The following XIST variants were observed in gnomAD, a reference collection of about 807,000 sequenced individuals.
XIST encodes X inactive specific transcript, also known as X inactive specific transcript (non-protein coding).
chrX:73,824,765 T>C, exon 6 of XIST: 1 of 559,042 alleles, frequency 1.8e-6, no homozygotes, highest in Non-Finnish European at 3.2e-6. Context: ...TTCCTCATAC[T>C]AGCTCTTTCC....
chrX:73,847,330 C>A (rs747775255), exon 1 of XIST: 4 of 530,330 alleles, frequency 7.5e-6, no homozygotes, highest in Non-Finnish European at 1.4e-5. Context: ...AGAGAAGAAG[C>A]ACTAGCTAGT....
At chrX:73,827,950 CAA>C in exon 6 of XIST, 1 of 518,091 alleles carries the variant, frequency 1.9e-6, no homozygotes, top group South Asian at 2.5e-5. Flanking sequence ...GAACAAAGAG[CAA>C]AGACAAGAAA....
exon 5 of XIST, chrX:73,829,188 C>CT: frequency 1.8e-6 from 1 of 557,962 alleles, no homozygotes; most frequent in Non-Finnish European, 3.2e-6. Flanking sequence ...CTCTGCACTG[C>CT]TTGTAGGAAG....
In XIST at chrX:73,833,334, T is replaced by C. The variant is rs200010538; in HGVS notation, n.11447A>G. 8.9e-4 allele frequency: 497 copies of C among 556,494 alleles called. No individual in the cohort carries two copies. Among genetic ancestry groups the C allele is most frequent in the Non-Finnish European group, 1.4e-3 (426 of 308,691 alleles). 45.9% of individuals were successfully genotyped at this position (556,494 alleles called of 1,213,427 possible). On this transcript the variant is annotated non_coding_transcript_exon_variant, in exon 3 of 6. Coordinates refer to ENST00000429829, the Ensembl canonical transcript of XIST. ...GATATGATTAATTTGGAGCCTCTTATAGCTGTTTGCAGTCCTCAGGTCTCA... is the reference window on the plus strand; with the variant it reads ...GATATGATTAATTTGGAGCCTCTTACAGCTGTTTGCAGTCCTCAGGTCTCA...
chrX:73,847,868 C>T lies in XIST; in HGVS notation n.4856G>A, dbSNP rs763501130. 1.6e-5 allele frequency: 9 copies of T among 558,098 alleles called. No individual in the cohort carries two copies. The South Asian group carries it at 2.0e-4, about 12-fold the overall frequency. 46.0% of individuals were successfully genotyped at this position (558,098 alleles called of 1,213,427 possible). A position where few individuals can be genotyped will look rare whatever the true frequency, so the allele number is the denominator to read the frequency against. ...ATTGGAATTTTGCACATTCATAGTC[C>T]CAGGGAAAGGTAACATAGGTAATTA... On this transcript the variant is annotated non_coding_transcript_exon_variant, in exon 1 of 6. Transcript: ENST00000429829.
chrX:73,850,918 C>G (rs769936508), exon 1 of XIST: 3 of 554,605 alleles, frequency 5.4e-6, no homozygotes, highest in Non-Finnish European at 9.7e-6. Flanking sequence ...GGCTAAATGT[C>G]CTTGAAAAGA....
chrX:73,844,692 A>C (rs748462238), exon 1 of XIST: 2 of 557,096 alleles, frequency 3.6e-6, no homozygotes, highest in African/African-American at 4.5e-5. Context: ...AGAAACCTGG[A>C]CAAATATAAT....
intron 2 of XIST, among the ~76,000 whole-genome samples, chrX:73,835,956 A>C (rs1310255142): frequency 8.9e-6 from 1 of 111,912 alleles, no homozygotes; most frequent in Non-Finnish European, 1.9e-5. Context: ...AACTTTCTTG[A>C]CTAAAATTGA....
exon 1 of XIST, chrX:73,851,050 G>C (rs1922925600): frequency 5.4e-6 from 3 of 558,064 alleles, no homozygotes; most frequent in Middle Eastern, 3.1e-4. Context: ...TCTTCGCTGA[G>C]TAGCTGGACA....
chrX:73,843,423 A>G, exon 1 of XIST: 1 of 558,602 alleles, frequency 1.8e-6, no homozygotes, highest in South Asian at 2.2e-5. Context: ...ACTTCTCAGC[A>G]GCAATCCAAA....
chrX:73,822,471 C>T, exon 6 of XIST: 1 of 514,373 alleles, frequency 1.9e-6, no homozygotes, highest in Non-Finnish European at 3.5e-6. Context: ...AACCTTATAC[C>T]AAGTACCTAT....
At chrX:73,841,683 C>G (rs1922590994) in exon 1 of XIST, 1 of 525,082 alleles carries the variant, frequency 1.9e-6, no homozygotes, top group African/African-American at 2.3e-5. Context: ...GCTTATTTTT[C>G]TTATAAAATA....
intron 3 of XIST, among the ~76,000 whole-genome samples, chrX:73,832,395 C>T (rs766707387): frequency 9.0e-6 from 1 of 110,903 alleles, no homozygotes; most frequent in South Asian, 3.8e-4. Flanking sequence ...AAACAAGGTA[C>T]AGAAAACCAG....
exon 1 of XIST, chrX:73,848,264 C>G: frequency 3.6e-6 from 2 of 555,588 alleles, no homozygotes; most frequent in Non-Finnish European, 6.5e-6. Context: ...CCCAGACTAA[C>G]AGCAGATAGG....
exon 6 of XIST, chrX:73,821,673 C>T: frequency 3.6e-6 from 2 of 550,131 alleles, no homozygotes; most frequent in East Asian, 3.3e-5. Flanking sequence ...TTTTCCTTCA[C>T]TCTTCCTCCT....
chrX:73,836,115 C>A (rs1216190829), intron 2 of XIST, among the ~76,000 whole-genome samples: 1 of 111,023 alleles, frequency 9.0e-6, no homozygotes, highest in Non-Finnish European at 1.9e-5. Flanking sequence ...CCTTTCCCAC[C>A]TCCAGTGTTC....
chrX:73,822,330 G>C (rs1185473482), exon 6 of XIST: 1 of 551,078 alleles, frequency 1.8e-6, no homozygotes, highest in African/African-American at 2.2e-5. Flanking sequence ...AAGAGATACG[G>C]AGTAGGAATT....
At chrX:73,842,723 A>C (rs1922625812) in exon 1 of XIST, 1 of 556,317 alleles carries the variant, frequency 1.8e-6, no homozygotes, top group Non-Finnish European at 3.2e-6. Flanking sequence ...GGTGGGACCA[A>C]GGAAAGTGCA....
intron 1 of XIST, among the ~76,000 whole-genome samples, chrX:73,838,432 T>A (rs1922525015): frequency 1.8e-5 from 2 of 111,307 alleles, no homozygotes. Flanking sequence ...AGTCTACCCA[T>A]AATTTAAGAA....
Sources: gnomAD v4.1 joint callset for allele counts (sites outside exome capture counted in the v4.1 genomes callset) on GRCh38, gnomAD v4.1.1 for gene constraint, MANE v1.5 for transcripts, NCBI Gene and HGNC (gene_info 2026-07-23, HGNC 2026-07-21) for gene names.